Variants in KCNIP1 observed in about 807,000 individuals in gnomAD.
KCNIP1 encodes A-type potassium channel modulatory protein KCNIP1.
Under a neutral mutation model 33.0 loss-of-function variants are expected in KCNIP1, and 18 were observed. The ratio of observed to expected loss-of-function variants is 0.55; its 90% CI spans 0.38 to 0.81. The LOEUF is 0.81. Ranked by LOEUF, KCNIP1 falls within the 30% of genes least tolerant of loss-of-function variation. KCNIP1 has a pLI of 0.00. For synonymous variants in KCNIP1, 93 were observed against 98.3 expected (o/e 0.95, Z 0.32); for missense variants, 238 against 271.6 (o/e 0.88, Z 0.87).
intron 1 of KCNIP1, among the ~76,000 whole-genome samples, chr5:170,388,262 G>A (rs887929085): frequency 5.9e-5 from 9 of 152,228 alleles, no homozygotes; most frequent in Non-Finnish European, 1.2e-4. Context: ...AGTTTATAGA[G>A]TCATGATAAA....
At chr5:170,453,999 T>G (rs566158790) in intron 1 of KCNIP1, among the ~76,000 whole-genome samples, 2 of 152,252 alleles carry the variant, frequency 1.3e-5, no homozygotes, top group Non-Finnish European at 2.9e-5. Flanking sequence ...AGGACACAGC[T>G]GAACCGTGTC....
chr5:170,408,707 T>C (rs1438367304), intron 1 of KCNIP1, among the ~76,000 whole-genome samples: 1 of 152,178 alleles, frequency 6.6e-6, no homozygotes, highest in African/African-American at 2.4e-5. Flanking sequence ...GGAAAACTTG[T>C]ATTTTAAATA....
intron 1 of KCNIP1, chr5:170,420,432 C>G (rs951380799): frequency 6.6e-6 from 1 of 151,700 alleles, no homozygotes; most frequent in African/African-American, 2.4e-5. Flanking sequence ...ACTCAGGAAG[C>G]TGAGGCAGGA....
intron 1 of KCNIP1, among the ~76,000 whole-genome samples, chr5:170,675,447 G>A (rs1762095381): frequency 6.6e-6 from 1 of 152,100 alleles, no homozygotes; most frequent in African/African-American, 2.4e-5. Flanking sequence ...GTGAAACCCT[G>A]TCTCTCCTAA....
At chr5:170,651,816 G>A (rs546339923) in intron 1 of KCNIP1, among the ~76,000 whole-genome samples, 11 of 152,142 alleles carry the variant, frequency 7.2e-5, no homozygotes, top group Admixed American at 4.6e-4. Context: ...TGCAGATCTC[G>A]CTCCATGCTG....
At chr5:170,519,659 T>G (rs1260746950) in intron 1 of KCNIP1, among the ~76,000 whole-genome samples, 2 of 152,164 alleles carry the variant, frequency 1.3e-5, no homozygotes, top group African/African-American at 4.8e-5. Flanking sequence ...GTTTTTGGAT[T>G]AGAGCTGCCT....
rs558894367 is a variant in KCNIP1, at chr5:170,505,722, G to A, written c.61+1089G>A. Among the ~76,000 whole-genome samples the A allele has an allele frequency of 2.0e-5, 3 of 152,260 alleles. No individual in the cohort carries two copies. In the South Asian group the frequency reaches 6.2e-4, roughly 32 times the overall value. On this transcript the variant is annotated intron_variant, in intron 1 of 7. Transcript: ENST00000328939. ...CCACAGAGATCTCCATAAGTAAGCT[G>A]TCCTTGAAACCCCCTGGAAGAAGGG... is the stretch of plus-strand genomic sequence containing the variant.
chr5:170,528,358 T>C (rs1277848193), intron 1 of KCNIP1, among the ~76,000 whole-genome samples: 1 of 152,196 alleles, frequency 6.6e-6, no homozygotes, highest in Non-Finnish European at 1.5e-5. Context: ...CCTAACACCA[T>C]CGGGTGACTG....
At chr5:170,476,119 T>C (rs1756852834) in intron 1 of KCNIP1, among the ~76,000 whole-genome samples, 1 of 152,108 alleles carries the variant, frequency 6.6e-6, no homozygotes, top group South Asian at 2.1e-4. Context: ...TACAGGCCTG[T>C]GCCACCATGC....
rs190688206 is a variant in KCNIP1 at position 170,383,880 on chromosome 5, A to G, written c.88+29916A>G. On this transcript the variant is annotated intron_variant, in intron 1 of 7. Coordinates refer to the KCNIP1 transcript ENST00000377360. Reference sequence around the variant, plus strand: ...GGAGACCACACACATGCACACATACACATCTCAGAACTGGGTGACACACAG... The same window carrying G: ...GGAGACCACACACATGCACACATACGCATCTCAGAACTGGGTGACACACAG... 3 of 1,608,208 alleles carry G rather than the reference A, an allele frequency of 1.9e-6. No homozygotes were observed. In the Admixed American group the frequency reaches 5.0e-5, roughly 27 times the overall value.
At chr5:170,588,996 C>CTTTTTT (rs67130531) in intron 1 of KCNIP1, among the ~76,000 whole-genome samples, 9 of 117,394 alleles carry the variant, frequency 7.7e-5, no homozygotes, top group African/African-American at 1.9e-4. Flanking sequence ...ATACTTACTT[C>CTTTTTT]TTTTTTTTTT....
intron 1 of KCNIP1, among the ~76,000 whole-genome samples, chr5:170,539,153 C>T (rs1031553879): frequency 6.6e-6 from 1 of 152,154 alleles, no homozygotes; most frequent in African/African-American, 2.4e-5. Context: ...CTATTGCAGA[C>T]ATTTCAGGAT....
rs577655683 is a variant in KCNIP1, at chr5:170,711,416, T to C, written c.62-7342T>C. ...GAGCATGTCAATGCTTCTAAACATA[T>C]CTATATTAAAATGCTACCAAAGCAT... On this transcript the variant is annotated intron_variant, in intron 1 of 7. Coordinates refer to ENST00000328939, the MANE Select transcript of KCNIP1 (RefSeq NM_014592.4). Among the ~76,000 whole-genome samples the C allele has an allele frequency of 9.3e-4, 142 of 152,306 alleles. 1 individual carries two copies. The highest frequency in any genetic ancestry group is 3.2e-3 in the African/African-American group (134 of 41,548).
chr5:170,526,598 A>G (rs1363969903), intron 1 of KCNIP1, among the ~76,000 whole-genome samples: 1 of 152,042 alleles, frequency 6.6e-6, no homozygotes, highest in Non-Finnish European at 1.5e-5. Flanking sequence ...AGGTAGTGAC[A>G]TCTGGGAGGA....
intron 1 of KCNIP1, among the ~76,000 whole-genome samples, chr5:170,536,357 C>G (rs138612582): frequency 1.3e-5 from 2 of 151,750 alleles, no homozygotes; most frequent in South Asian, 2.1e-4. Flanking sequence ...GTTTTCCCAG[C>G]AGTAGAATGG....
intron 1 of KCNIP1, among the ~76,000 whole-genome samples, chr5:170,557,674 C>T (rs1756886927): frequency 6.6e-6 from 1 of 152,132 alleles, no homozygotes; most frequent in South Asian, 2.1e-4. Context: ...CATTTCTAGG[C>T]AGAGGAAGCA....
At chr5:170,372,228 A>G (rs1487746848) in intron 1 of KCNIP1, among the ~76,000 whole-genome samples, 2 of 152,222 alleles carry the variant, frequency 1.3e-5, no homozygotes, top group East Asian at 1.9e-4. Flanking sequence ...TGTTGATTAC[A>G]GAGGATATAA....
At chr5:170,385,692 G>A (rs1397701989) in intron 1 of KCNIP1, among the ~76,000 whole-genome samples, 1 of 129,362 alleles carries the variant, frequency 7.7e-6, no homozygotes, top group Non-Finnish European at 1.7e-5. Context: ...GCTCAGAGAG[G>A]TAAAGTGACT....
At chr5:170,699,556 G>GAAA (rs35103942) in intron 1 of KCNIP1, among the ~76,000 whole-genome samples, 2 of 111,948 alleles carry the variant, frequency 1.8e-5, no homozygotes, top group South Asian at 2.5e-4. Context: ...ATTGCTCTGT[G>GAAA]AAAAAAAAAA....
Sources: allele counts gnomAD v4.1 joint callset (sites outside exome capture counted in the v4.1 genomes callset), GRCh38; gene constraint gnomAD v4.1.1; transcripts MANE v1.5; gene names NCBI Gene and HGNC (gene_info 2026-07-23, HGNC 2026-07-21).